Variants in DNAH11 observed in about 807,000 individuals in gnomAD.
DNAH11 encodes dynein axonemal heavy chain 11, also known as axonemal beta dynein heavy chain 11.
DNAH11 carries 442 observed loss-of-function variants against 526.0 expected under a neutral mutation model. The ratio of observed to expected loss-of-function variants is 0.84; its 90% confidence interval spans 0.78 to 0.91. The LOEUF (loss-of-function observed/expected upper bound fraction) is 0.91. Ranked by LOEUF, DNAH11 falls within the 40% of genes least tolerant of loss-of-function variation. DNAH11 has a pLI of 0.00. For missense variants in DNAH11, 6,989 were observed against 5,448.7 expected, an observed-to-expected ratio of 1.28 and a Z score of -8.90; for synonymous variants, 2,461 against 1,935.9, an observed-to-expected ratio of 1.27 and a Z score of -7.12.
At position 21,739,671 on chromosome 7, in the gene DNAH11, C is replaced by A. The variant is rs762729779; in HGVS notation, c.7912C>A (p.Gln2638Lys). ...CAGCTTCACCATCAATCCCAGGCTA[C>A]AGGTAGGGTGTTGAATACTGCTCTC... ...VGSFTINPRLQRHFTVFAFNF... is the reference protein window; with the variant it reads ...VGSFTINPRLKRHFTVFAFNF... The change falls in exon 48 of 82, where the codon CAG becomes AAG. Residue 2638 changes from glutamine to lysine, a missense_variant and splice_region_variant. Gln to Lys is a moderately conservative substitution (Grantham distance 53, BLOSUM62 1). Coordinates refer to ENST00000409508, the MANE Select transcript of DNAH11 (RefSeq NM_001277115.2). 2 of 1,610,280 alleles carry A rather than the reference C, an allele frequency of 1.2e-6. No homozygotes were observed. The highest frequency in any genetic ancestry group is 2.2e-5 in the East Asian group (1 of 44,842).
intron 28 of DNAH11, among the ~76,000 whole-genome samples, chr7:21,645,773 T>TATCTAAATCAGATATCTAAAAATC (rs1787329299): frequency 7.5e-6 from 1 of 133,796 alleles, no homozygotes; most frequent in African/African-American, 3.1e-5. Context: ...ATCTAAAAAT[T>TATCTAAATCAGATATCTAAAAATC]AGATATCTAC....
At chr7:21,643,045 T>G (rs979206555) in intron 28 of DNAH11, among the ~76,000 whole-genome samples, 1 of 152,200 alleles carries the variant, frequency 6.6e-6, no homozygotes, top group Non-Finnish European at 1.5e-5. Flanking sequence ...TTAACTTCAA[T>G]GATAAAAGTC....
At position 21,807,876 on chromosome 7, in the gene DNAH11, C is replaced by G. The variant is rs1374356971; in HGVS notation, c.10166-7C>G. 2 of 1,581,482 alleles carry G rather than the reference C, an allele frequency of 1.3e-6. No individual in the cohort carries two copies. On this transcript the variant is annotated splice_region_variant and splice_polypyrimidine_tract_variant and intron_variant, in intron 62 of 81. Coordinates refer to ENST00000409508, the MANE Select transcript of DNAH11 (RefSeq NM_001277115.2). ...ATTACAGCTGAGTAATTTCATCTTT[C>G]AGTCAGAGAAGATTCGCTGGGGTCA...
rs771335625 is a variant in DNAH11 at position 21,779,117 on chromosome 7, C to A, written c.9483+13C>A. The A allele has an allele frequency of 1.9e-6, 3 of 1,608,692 alleles. No individual in the cohort carries two copies. The highest frequency in any genetic ancestry group is 2.2e-5 in the South Asian group (2 of 90,694). On this transcript the variant is annotated intron_variant, in intron 57 of 81. Transcript: ENST00000409508. ...TGAGGAGCGAAAGGTCAGGCTAATT[C>A]CAACATTTAGAGTGCGGAGCTATAT...
At chr7:21,897,534 C>G (rs997280083) in intron 79 of DNAH11, among the ~76,000 whole-genome samples, 1 of 152,178 alleles carries the variant, frequency 6.6e-6, no homozygotes, top group Non-Finnish European at 1.5e-5. Context: ...GTATTGATTA[C>G]TCTCTACCAA....
At chr7:21,675,641 G>A (rs975466627) in intron 30 of DNAH11, among the ~76,000 whole-genome samples, 2 of 152,144 alleles carry the variant, frequency 1.3e-5, no homozygotes, top group African/African-American at 4.8e-5. Context: ...TGTTGTTTTG[G>A]TGTGTATTGT....
At chr7:21,872,316 A>C (rs1480882462) in intron 73 of DNAH11, among the ~76,000 whole-genome samples, 1 of 152,074 alleles carries the variant, frequency 6.6e-6, no homozygotes, top group African/African-American at 2.4e-5. Flanking sequence ...AGGGAATAAA[A>C]GCCAATAATG....
chr7:21,774,448 C>G (rs914948508), intron 56 of DNAH11, among the ~76,000 whole-genome samples: 5 of 152,108 alleles, frequency 3.3e-5, no homozygotes, highest in African/African-American at 1.2e-4. Flanking sequence ...AGTGACTTGT[C>G]TGCTCCTCTT....
Position 21,617,726 on chromosome 7 carries a change from G to T in DNAH11, c.4203G>T (p.Gln1401His). ...TASLRAITEL[Q>H]SPALRDRHWH... ...CCCTGAGGGCCATCACAGAGTTACA[G>T]AGCCCTGCCCTCAGGGACAGGCATT... The change falls in exon 23 of 82, where the codon CAG becomes CAT. Residue 1401 changes from glutamine (Q) to histidine (H), a missense_variant. By Grantham distance (24) the Gln-to-His change is conservative. Transcript: ENST00000409508. 2.5e-6 allele frequency: 4 copies of T among 1,613,112 alleles called. No homozygotes were observed. Among genetic ancestry groups the T allele is most frequent in the Non-Finnish European group, 3.4e-6 (4 of 1,179,540 alleles).
In DNAH11 at chr7:21,894,949, A is replaced by G; in HGVS notation, c.12999A>G (p.Pro4333=). 1 of 1,614,010 alleles carries G rather than the reference A, an allele frequency of 6.2e-7. No homozygotes were observed. Among genetic ancestry groups the G allele is most frequent in the Non-Finnish European group, 8.5e-7 (1 of 1,179,892 alleles). Residue 4333 remains proline (P), a synonymous_variant, in exon 79 of 82, where the codon CCA becomes CCG. Coordinates refer to ENST00000409508, the MANE Select transcript of DNAH11 (RefSeq NM_001277115.2). ...TTGCATTGAGTTATGACACGGTACC[A>G]GACACTTGGAGCAAACTGGCTTATC... ...QQFALSYDTV[P]DTWSKLAYPS...
intron 11 of DNAH11, 69 bp from the exon 12 acceptor site, chr7:21,589,139 C>T: frequency 5.2e-6 from 6 of 1,158,172 alleles, no homozygotes; most frequent in East Asian, 2.7e-5. Flanking sequence ...TATTGTATTA[C>T]TATACAATTA....
chr7:21,636,950 G>A (rs375227463), intron 26 of DNAH11, among the ~76,000 whole-genome samples: 18 of 152,238 alleles, frequency 1.2e-4, no homozygotes, highest in East Asian at 3.9e-4. Context: ...TAGAAAGCAC[G>A]TGGCATGGTG....
chr7:21,817,429 C>T (rs1398305296), intron 64 of DNAH11, among the ~76,000 whole-genome samples: 2 of 150,862 alleles, frequency 1.3e-5, no homozygotes, highest in African/African-American at 4.9e-5. Context: ...GCCTATAATC[C>T]CAGCACTTTA....
At position 21,705,498 on chromosome 7, in the gene DNAH11, G is replaced by A. The variant is rs777885938; in HGVS notation, c.6507G>A (p.Ser2169=). The change falls in exon 39 of 82, where the codon TCG becomes TCA. Residue 2169 remains serine, a synonymous_variant. Coordinates refer to ENST00000409508, the MANE Select transcript of DNAH11 (RefSeq NM_001277115.2). ...QLEELLAVRH[S]VFVVGNAGTG... is the part of the protein sequence containing the mutation. ...AGGAACTGTTGGCTGTGCGGCACTC[G>A]GTCTTTGTAGTTGGAAATGCAGGCA... is the stretch of plus-strand genomic sequence containing the variant. 1.2e-5 allele frequency: 19 copies of A among 1,613,504 alleles called. No homozygotes were observed. The highest frequency in any genetic ancestry group is 3.3e-5 in the South Asian group (3 of 91,066).
chr7:21,789,733 C>T (rs377680005), intron 61 of DNAH11, among the ~76,000 whole-genome samples: 45 of 151,326 alleles, frequency 3.0e-4, no homozygotes, highest in African/African-American at 9.4e-4. Flanking sequence ...ATCTGTGAAA[C>T]AGGTATTATA....
At chr7:21,766,980 G>A (rs947760143) in intron 55 of DNAH11, among the ~76,000 whole-genome samples, 1 of 152,078 alleles carries the variant, frequency 6.6e-6, no homozygotes, top group South Asian at 2.1e-4. Context: ...ACAAATAAAT[G>A]AAAATAAGAA....
chr7:21,547,303 T>C (rs1782841837), intron 2 of DNAH11, among the ~76,000 whole-genome samples: 1 of 152,242 alleles, frequency 6.6e-6, no homozygotes, highest in Non-Finnish European at 1.5e-5. Context: ...GAAGTTGGCT[T>C]TGTCATGGAA....
At chr7:21,853,095 A>C (rs777773057) in intron 67 of DNAH11, among the ~76,000 whole-genome samples, 5 of 152,214 alleles carry the variant, frequency 3.3e-5, no homozygotes, top group Non-Finnish European at 7.3e-5. Flanking sequence ...GCTGTACTCA[A>C]ATGCACTATT....
intron 73 of DNAH11, 49 bp from the exon 74 acceptor site, chr7:21,873,225 A>G (rs1028293298): frequency 1.4e-6 from 2 of 1,388,284 alleles, no homozygotes; most frequent in Non-Finnish European, 2.0e-6. Flanking sequence ...TTATAATTCA[A>G]GTAATATGCC....
Sources: allele counts gnomAD v4.1 joint callset (sites outside exome capture counted in the v4.1 genomes callset), GRCh38; gene constraint gnomAD v4.1.1; transcripts MANE v1.5; gene names NCBI Gene and HGNC (gene_info 2026-07-23, HGNC 2026-07-21).